Variants in SHROOM4 observed in about 807,000 individuals in gnomAD.
SHROOM4 encodes the protein protein Shroom4.
Under a neutral mutation model 80.3 loss-of-function variants are expected in SHROOM4, and 17 were observed. That is an observed-to-expected ratio of 0.21 (90% CI 0.14 to 0.32). The LOEUF (loss-of-function observed/expected upper bound fraction) is 0.32. Among genes scored for constraint, SHROOM4 ranks in the 10% least tolerant of loss-of-function variants. The pLI is 1.00. For synonymous variants in SHROOM4, 400 were observed against 437.5 expected (o/e 0.91, Z 1.07); for missense variants, 993 against 1,140.3 (o/e 0.87, Z 1.86).
rs1282312887 is a variant in SHROOM4 at position 50,591,651 on chromosome X, C to T, written c.*5044G>A. On this transcript the variant is annotated 3_prime_UTR_variant, in exon 9 of 9. Transcript: ENST00000376020. ...CCTAAGTACTTTTTTCTTTTTGATG[C>T]TATTGTAAATGGAACTGTTTTCTTT... is the stretch of plus-strand genomic sequence containing the variant. The T allele has an allele frequency of 1.7e-5, 5 of 299,619 alleles. No individual in the cohort carries two copies. The highest frequency in any genetic ancestry group is 3.1e-5 in the Non-Finnish European group (5 of 161,868). 24.7% of individuals were successfully genotyped at this position (299,619 alleles called of 1,213,427 possible).
chrX:50,622,168 T>G (rs782132409), intron 5 of SHROOM4, among the ~76,000 whole-genome samples: 86 of 112,308 alleles, frequency 7.7e-4, no homozygotes, highest in Non-Finnish European at 1.5e-3. Context: ...TGTTAGCTAT[T>G]ATACCTGTTG....
chrX:50,615,256 T>C (rs1930187633), intron 5 of SHROOM4, among the ~76,000 whole-genome samples: 1 of 111,803 alleles, frequency 8.9e-6, no homozygotes, highest in African/African-American at 3.2e-5. Context: ...ATACAGACCC[T>C]TACTAGGATT....
intron 1 of SHROOM4, among the ~76,000 whole-genome samples, chrX:50,782,487 T>G (rs1264664252): frequency 9.0e-6 from 1 of 111,506 alleles, no homozygotes; most frequent in Non-Finnish European, 1.9e-5. Flanking sequence ...CCACATTATC[T>G]CATTTAATCC....
rs782597521 is a variant in SHROOM4, at chrX:50,607,429, A to G, written c.3713T>C (p.Ile1238Thr). The change falls in exon 6 of 9, where the codon ATT becomes ACT. Residue 1238 changes from isoleucine (I) to threonine (T), a missense_variant. Coordinates refer to ENST00000376020, the MANE Select transcript of SHROOM4 (RefSeq NM_020717.5). ...EQAQPPCYYGIGGLWRTSGQE... is the reference protein window; with the variant it reads ...EQAQPPCYYGTGGLWRTSGQE... ...TCCCGATGTCCTCCAAAGCCCACCA[A>G]TGCCATAGTAGCAAGGGGGCTGAGC... The G allele has an allele frequency of 1.2e-5, 15 of 1,211,493 alleles. No homozygotes were observed. In the South Asian group the frequency reaches 2.6e-4, roughly 21 times the overall value.
intron 5 of SHROOM4, among the ~76,000 whole-genome samples, chrX:50,608,961 G>C (rs1929823911): frequency 8.9e-6 from 1 of 111,746 alleles, no homozygotes; most frequent in East Asian, 2.8e-4. Context: ...TGCTATTTTG[G>C]ATTTAAAATA....
intron 1 of SHROOM4, among the ~76,000 whole-genome samples, chrX:50,759,902 T>C (rs1339804704): frequency 8.9e-6 from 1 of 112,048 alleles, no homozygotes; most frequent in East Asian, 2.8e-4. Flanking sequence ...CTAATTTAAT[T>C]ATATTGTGAT....
In SHROOM4 at chrX:50,610,333, T is replaced by TTC. The variant is rs781880088; in HGVS notation, c.2958-2151_2958-2150dup. Among the ~76,000 whole-genome samples the TTC allele has an allele frequency of 9.5e-3, 882 of 92,558 alleles. 3 individuals carry two copies. The highest frequency in any genetic ancestry group is 0.017 in the African/African-American group (383 of 22,582). The allele number at this position is 92,558 out of a possible 115,157, so 80.4% of individuals were successfully genotyped here. A position where few individuals can be genotyped will look rare whatever the true frequency, so the allele number is the denominator to read the frequency against. ...TGTGCAAACTGTTCCACCTGGCATATTCTCTCTCTCTCTCTCTCTCACACA... is the reference window on the plus strand; with the variant it reads ...TGTGCAAACTGTTCCACCTGGCATATTCTCTCTCTCTCTCTCTCTCTCACACA... On this transcript the variant is annotated intron_variant, in intron 5 of 8. Transcript: ENST00000376020.
At chrX:50,752,624 C>T (rs1934947070) in intron 1 of SHROOM4, among the ~76,000 whole-genome samples, 1 of 112,077 alleles carries the variant, frequency 8.9e-6, no homozygotes, top group Non-Finnish European at 1.9e-5. Flanking sequence ...CCTAAGACAA[C>T]TTTAAAAGCC....
chrX:50,606,911 T>C (rs1929696063), intron 6 of SHROOM4, among the ~76,000 whole-genome samples: 1 of 109,413 alleles, frequency 9.1e-6, no homozygotes, highest in Non-Finnish European at 1.9e-5. Flanking sequence ...CCAGGCTACT[T>C]GTCCTAGAGC....
At chrX:50,751,872 T>A (rs1221365754) in intron 1 of SHROOM4, among the ~76,000 whole-genome samples, 1 of 111,890 alleles carries the variant, frequency 8.9e-6, no homozygotes. Flanking sequence ...GCTAGCTATG[T>A]AAGTCACATA....
intron 2 of SHROOM4, among the ~76,000 whole-genome samples, chrX:50,662,112 C>A (rs1052931477): frequency 1.2e-4 from 13 of 110,712 alleles, no homozygotes; most frequent in Non-Finnish European, 2.5e-4. Flanking sequence ...AACGTATGTT[C>A]AAATCTGAGA....
intron 1 of SHROOM4, among the ~76,000 whole-genome samples, chrX:50,718,887 C>G (rs1440218081): frequency 9.0e-6 from 1 of 111,441 alleles, no homozygotes; most frequent in Non-Finnish European, 1.9e-5. Flanking sequence ...TGCAAACTTA[C>G]ACACACACAT....
intron 1 of SHROOM4, among the ~76,000 whole-genome samples, chrX:50,703,826 A>G (rs1207440467): frequency 8.9e-6 from 1 of 112,012 alleles, no homozygotes; most frequent in Non-Finnish European, 1.9e-5. Flanking sequence ...TAGTATCTTT[A>G]TAGCAGTGTG....
chrX:50,806,469 T>A (rs1299662795), intron 1 of SHROOM4, among the ~76,000 whole-genome samples: 3 of 112,241 alleles, frequency 2.7e-5, no homozygotes, highest in African/African-American at 9.7e-5. Flanking sequence ...CTTGGCCTAT[T>A]TACACTGGAT....
chrX:50,733,953 G>C (rs1392432992), intron 1 of SHROOM4, among the ~76,000 whole-genome samples: 1 of 111,925 alleles, frequency 8.9e-6, no homozygotes, highest in African/African-American at 3.2e-5. Context: ...ATACTGAAAT[G>C]AGTTGTATTT....
At position 50,602,601 on chromosome X, in the gene SHROOM4, G is replaced by C. The variant is rs374847299; in HGVS notation, c.3942+32C>G. ...TCCAGATACATTCAAGCTAAATTCT[G>C]AAAATCTCTAGGACACATCAAAAAA... On this transcript the variant is annotated intron_variant, in intron 7 of 8. Transcript: ENST00000376020. The C allele has an allele frequency of 3.3e-6, 4 of 1,199,839 alleles. No homozygotes were observed. The African/African-American group carries it at 7.0e-5, about 21-fold the overall frequency.
intron 8 of SHROOM4, 58 bp from the exon 9 acceptor site, chrX:50,597,022 G>A (rs1384583406): frequency 2.6e-6 from 3 of 1,159,719 alleles, no homozygotes; most frequent in Non-Finnish European, 3.5e-6. Context: ...CTGTCCAACA[G>A]TGCTGCCTAG....
chrX:50,767,274 A>G (rs1348267337), intron 1 of SHROOM4, among the ~76,000 whole-genome samples: 2 of 112,166 alleles, frequency 1.8e-5, no homozygotes, highest in African/African-American at 6.5e-5. Flanking sequence ...TAAATCTCCA[A>G]TAATAGAATG....
intron 1 of SHROOM4, among the ~76,000 whole-genome samples, chrX:50,738,063 A>G (rs1373547391): frequency 3.6e-5 from 4 of 111,294 alleles, no homozygotes. Flanking sequence ...TATAAACAGA[A>G]CCAAAGACAA....
Sources: gnomAD v4.1 joint callset for allele counts (sites outside exome capture counted in the v4.1 genomes callset) on GRCh38, gnomAD v4.1.1 for gene constraint, MANE v1.5 for transcripts, NCBI Gene and HGNC (gene_info 2026-07-23, HGNC 2026-07-21) for gene names.